Variants in SLC44A5 observed in about 807,000 individuals in gnomAD.
The protein encoded by SLC44A5 is solute carrier family 44 member 5.
SLC44A5 carries 57 observed loss-of-function variants against 101.8 expected under a neutral mutation model. The ratio of observed to expected loss-of-function variants is 0.56; its 90% CI spans 0.45 to 0.70. SLC44A5 has a LOEUF of 0.70. SLC44A5 is among the 30% of genes least tolerant of loss of function. SLC44A5 has a pLI of 0.00. For synonymous variants in SLC44A5, 281 were observed against 290.9 expected, an observed-to-expected ratio of 0.97 and a Z score of 0.35; for missense variants, 737 against 853.1, an observed-to-expected ratio of 0.86 and a Z score of 1.70.
Position 75,270,615 on chromosome 1 carries a change from A to G in SLC44A5, c.260+4343T>C, listed in dbSNP as rs1035531013. 2.0e-5 allele frequency among the ~76,000 whole-genome samples: 3 copies of G among 152,126 alleles called. No homozygotes were observed. In the East Asian group the frequency reaches 5.8e-4, roughly 29 times the overall value. On this transcript the variant is annotated intron_variant, in intron 6 of 23. Transcript: ENST00000370859. ...TGTTATTTTCAGGGCGAGGAAGGCAATGATAACCCAGACCCCAGAAACTGT... is the reference window on the plus strand; with the variant it reads ...TGTTATTTTCAGGGCGAGGAAGGCAGTGATAACCCAGACCCCAGAAACTGT...
intron 2 of SLC44A5, among the ~76,000 whole-genome samples, chr1:75,527,058 C>G (rs980473662): frequency 1.3e-5 from 2 of 150,886 alleles, no homozygotes; most frequent in Non-Finnish European, 2.9e-5. Context: ...TCGCTTGAAG[C>G]TGGGAGGCAG....
chr1:75,356,505 C>T (rs981764360), intron 3 of SLC44A5, among the ~76,000 whole-genome samples: 1 of 151,504 alleles, frequency 6.6e-6, no homozygotes, highest in Non-Finnish European at 1.5e-5. Context: ...ATGTTTTAAC[C>T]TATTATTACA....
the SLC44A5 span, among the ~76,000 whole-genome samples, chr1:75,680,296 C>G: frequency 6.6e-6 from 1 of 151,756 alleles, no homozygotes; most frequent in Non-Finnish European, 1.5e-5. Flanking sequence ...CACCCCAAAT[C>G]AACAGAATAT....
the SLC44A5 span, among the ~76,000 whole-genome samples, chr1:75,650,026 T>C: frequency 6.6e-6 from 1 of 152,224 alleles, no homozygotes; most frequent in Non-Finnish European, 1.5e-5. Flanking sequence ...CAGAGATTCT[T>C]TCTTTTATAT....
intron 6 of SLC44A5, among the ~76,000 whole-genome samples, chr1:75,267,823 G>A (rs758106674): frequency 7.2e-5 from 11 of 151,902 alleles, no homozygotes; most frequent in Non-Finnish European, 1.3e-4. Flanking sequence ...GGCTCGCCTC[G>A]GCTTCCCAAA....
chr1:75,616,245 C>T, the SLC44A5 span, among the ~76,000 whole-genome samples: 1 of 151,986 alleles, frequency 6.6e-6, no homozygotes, highest in African/African-American at 2.4e-5. Context: ...CCTCCCTCCC[C>T]CACGCCCCCA....
the SLC44A5 span, among the ~76,000 whole-genome samples, chr1:75,646,551 C>T: frequency 6.5e-4 from 99 of 152,228 alleles, 1 homozygote; most frequent in African/African-American, 2.2e-3. Flanking sequence ...TATTGAATTG[C>T]AACCCAAATT....
At chr1:75,408,406 AT>A (rs1407177363) in intron 2 of SLC44A5, among the ~76,000 whole-genome samples, 3 of 152,194 alleles carry the variant, frequency 2.0e-5, no homozygotes, top group African/African-American at 7.2e-5. Flanking sequence ...ATAAAGACAC[AT>A]GCACACATAT....
At chr1:75,240,770 A>T (rs1648553325) in intron 9 of SLC44A5, among the ~76,000 whole-genome samples, 1 of 152,038 alleles carries the variant, frequency 6.6e-6, no homozygotes. Context: ...CCTCCTTTTT[A>T]AGAGAAATAT....
chr1:75,622,348 A>G, the SLC44A5 span, among the ~76,000 whole-genome samples: 1 of 152,100 alleles, frequency 6.6e-6, no homozygotes, highest in South Asian at 2.1e-4. Flanking sequence ...ATCTGTGCAG[A>G]GGAAAATTTT....
At chr1:75,573,030 G>A (rs1226210967) in intron 1 of SLC44A5, among the ~76,000 whole-genome samples, 2 of 150,026 alleles carry the variant, frequency 1.3e-5, no homozygotes, top group Non-Finnish European at 2.9e-5. Flanking sequence ...GGCTGAGGCA[G>A]GGGAATTGCT....
chr1:75,631,706 T>G, the SLC44A5 span, among the ~76,000 whole-genome samples: 2 of 151,904 alleles, frequency 1.3e-5, no homozygotes, highest in Non-Finnish European at 2.9e-5. Flanking sequence ...CCAGCTAATT[T>G]TTGTATTTTT....
intron 1 of SLC44A5, among the ~76,000 whole-genome samples, chr1:75,589,505 G>A (rs1344119243): frequency 6.6e-6 from 1 of 152,152 alleles, no homozygotes; most frequent in African/African-American, 2.4e-5. Flanking sequence ...GAGCAAGATG[G>A]TATAATGGAA....
chr1:75,393,435 C>A (rs776277968), intron 3 of SLC44A5, among the ~76,000 whole-genome samples: 4 of 152,092 alleles, frequency 2.6e-5, no homozygotes, highest in Non-Finnish European at 4.4e-5. Context: ...AAAAACTCTT[C>A]TTTATCCTGT....
chr1:75,610,959 A>T, intron 1 of SLC44A5, 81 bp downstream of exon 1: 1 of 448,780 alleles, frequency 2.2e-6, no homozygotes, highest in Non-Finnish European at 2.9e-6. Flanking sequence ...CTTGAGTTGT[A>T]TAGAATACGT....
chr1:75,493,542 T>C (rs985938262), intron 2 of SLC44A5, among the ~76,000 whole-genome samples: 2 of 152,104 alleles, frequency 1.3e-5, no homozygotes, highest in East Asian at 3.9e-4. Context: ...CAACACTAAT[T>C]AGATTTTACA....
chr1:75,225,882 C>T (rs1647184012), intron 13 of SLC44A5, among the ~76,000 whole-genome samples: 1 of 152,090 alleles, frequency 6.6e-6, no homozygotes, highest in African/African-American at 2.4e-5. Flanking sequence ...TCCTCAATGG[C>T]GTTTGTGTGG....
At chr1:75,694,475 C>T in the SLC44A5 span, among the ~76,000 whole-genome samples, 1 of 151,962 alleles carries the variant, frequency 6.6e-6, no homozygotes, top group Non-Finnish European at 1.5e-5. Context: ...TTTTAAAAAA[C>T]ATGCCTATTT....
chr1:75,255,993 CT>C, intron 6 of SLC44A5, among the ~76,000 whole-genome samples: 1 of 152,142 alleles, frequency 6.6e-6, no homozygotes, highest in East Asian at 1.9e-4. Flanking sequence ...CTTATGCTTT[CT>C]TTTTTTAGGA....
Sources: allele counts gnomAD v4.1 joint callset (sites outside exome capture counted in the v4.1 genomes callset), GRCh38; gene constraint gnomAD v4.1.1; transcripts MANE v1.5; gene names NCBI Gene and HGNC (gene_info 2026-07-23, HGNC 2026-07-21).